UBE2V1: variants seen among roughly 807,000 people sequenced by gnomAD.
UBE2V1 encodes the protein ubiquitin conjugating enzyme E2 V1.
A neutral mutation model predicts 19.6 loss-of-function variants in UBE2V1; 15 were observed. The ratio of observed to expected loss-of-function variants is 0.77; its 90% CI spans 0.51 to 1.18. UBE2V1 has a LOEUF of 1.18. Ranked by LOEUF, UBE2V1 falls within the 50% of genes most tolerant of loss-of-function variation. The pLI is 0.00. For synonymous variants in UBE2V1, 60 were observed against 60.7 expected, an observed-to-expected ratio of 0.99 and a Z score of 0.05; for missense variants, 125 against 184.8, an observed-to-expected ratio of 0.68 and a Z score of 1.88.
chr20:50,092,244 C>A (rs2079281750), intron 2 of UBE2V1, among the ~76,000 whole-genome samples: 1 of 152,134 alleles, frequency 6.6e-6, no homozygotes. Context: ...ATCGCTTGAA[C>A]CCGGGAGACA....
chr20:50,085,440 CAT>C (rs1458645327), intron 2 of UBE2V1, among the ~76,000 whole-genome samples: 6 of 152,106 alleles, frequency 3.9e-5, no homozygotes, highest in African/African-American at 9.7e-5. Context: ...ACTGCTATCA[CAT>C]GTGTCTGAAG....
intron 1 of UBE2V1, among the ~76,000 whole-genome samples, chr20:50,106,573 G>C (rs1339697872): frequency 6.6e-6 from 1 of 152,184 alleles, no homozygotes; most frequent in Non-Finnish European, 1.5e-5. Context: ...GCTCACACCT[G>C]TAATCCCAAC....
chr20:50,109,743 G>A (rs1441051974), intron 1 of UBE2V1, among the ~76,000 whole-genome samples: 3 of 62,698 alleles, frequency 4.8e-5, no homozygotes, highest in Non-Finnish European at 8.5e-5. Flanking sequence ...GCGAAACTCC[G>A]TCTCAAAAAA....
At chr20:50,084,598 G>A (rs1302942715) in intron 2 of UBE2V1, 1 of 466,248 alleles carries the variant, frequency 2.1e-6, no homozygotes, top group Non-Finnish European at 4.3e-6. Context: ...CTAGGAAGCC[G>A]AGTTAAATGT....
upstream of UBE2V1, among the ~76,000 whole-genome samples, chr20:50,113,817 A>C (rs78298321): frequency 0.38 from 34,148 of 89,302 alleles, 4,018 homozygotes; most frequent in African/African-American, 0.54. Flanking sequence ...ATTCAACCAA[A>C]CAAACAAACA....
intron 1 of UBE2V1, among the ~76,000 whole-genome samples, chr20:50,111,739 G>A (rs1010663530): frequency 6.6e-6 from 1 of 152,190 alleles, no homozygotes; most frequent in African/African-American, 2.4e-5. Context: ...TGAGACCGCA[G>A]AGTAGCAACA....
intron 2 of UBE2V1, among the ~76,000 whole-genome samples, chr20:50,091,556 A>G (rs1405166669): frequency 6.6e-6 from 1 of 151,006 alleles, no homozygotes; most frequent in Non-Finnish European, 1.5e-5. Flanking sequence ...GCGCCCAGCT[A>G]ATTTTTATAC....
intron 1 of UBE2V1, among the ~76,000 whole-genome samples, chr20:50,112,062 C>T (rs1210198802): frequency 2.6e-5 from 4 of 152,160 alleles, no homozygotes; most frequent in Non-Finnish European, 5.9e-5. Flanking sequence ...TGAGCTGAAC[C>T]CACATATCTG....
At chr20:50,089,186 G>A (rs2079087488) in intron 2 of UBE2V1, among the ~76,000 whole-genome samples, 1 of 152,190 alleles carries the variant, frequency 6.6e-6, no homozygotes, top group Admixed American at 6.5e-5. Flanking sequence ...AAACTCTTAA[G>A]GGAGGGGGGG....
rs1487990461 is a variant in UBE2V1, at chr20:50,081,383, G to C, written c.*1385C>G. On this transcript the variant is annotated 3_prime_UTR_variant, in exon 4 of 4. Transcript: ENST00000371674. ...AAAAACCTTTAGTACACAATGAATT[G>C]CTTTTATTTCGGTATGCATCCACAT... 2.0e-5 allele frequency: 3 copies of C among 151,316 alleles called. 1 individual carries two copies. The highest frequency in any genetic ancestry group is 1.3e-4 in the Admixed American group (2 of 15,110). 9.4% of individuals were successfully genotyped at this position (151,316 alleles called of 1,614,324 possible).
intron 1 of UBE2V1, among the ~76,000 whole-genome samples, chr20:50,105,442 A>T (rs1388231966): frequency 6.6e-6 from 1 of 152,252 alleles, no homozygotes; most frequent in Non-Finnish European, 1.5e-5. Flanking sequence ...ATTTTAGTGA[A>T]TATATTAAAA....
intron 2 of UBE2V1, among the ~76,000 whole-genome samples, chr20:50,088,366 T>C (rs1206811535): frequency 6.6e-6 from 1 of 152,250 alleles, no homozygotes; most frequent in Non-Finnish European, 1.5e-5. Context: ...GTTGGTTTAT[T>C]GGTTGTGACA....
chr20:50,106,781 G>T (rs1471049482), intron 1 of UBE2V1, among the ~76,000 whole-genome samples: 1 of 151,280 alleles, frequency 6.6e-6, no homozygotes, highest in Admixed American at 6.6e-5. Context: ...GTTGCGGTGA[G>T]CCAAGATAGC....
chr20:50,091,644 T>C (rs2301018), intron 2 of UBE2V1, among the ~76,000 whole-genome samples: 51,080 of 151,516 alleles, frequency 0.34, 9,510 homozygotes, highest in African/African-American at 0.52. Context: ...CTGCCCGCCT[T>C]GGCCTCCCAA....
chr20:50,084,318 T>C, intron 2 of UBE2V1, 64 bp from the exon 3 acceptor site: 1 of 1,608,512 alleles, frequency 6.2e-7, no homozygotes, highest in Non-Finnish European at 8.5e-7. Context: ...AGGTAGAGCT[T>C]GTGAAACCCC....
chr20:50,094,513 C>T (rs2079508689), intron 2 of UBE2V1, among the ~76,000 whole-genome samples: 1 of 151,386 alleles, frequency 6.6e-6, no homozygotes, highest in Non-Finnish European at 1.5e-5. Context: ...CAAAATATGG[C>T]GTATCTGTAC....
At chr20:50,112,202 C>A (rs1188666942) in intron 1 of UBE2V1, among the ~76,000 whole-genome samples, 2 of 152,196 alleles carry the variant, frequency 1.3e-5, no homozygotes, top group Non-Finnish European at 2.9e-5. Context: ...CGGAACCCGA[C>A]CTTTTCCACT....
intron 2 of UBE2V1, among the ~76,000 whole-genome samples, chr20:50,094,005 AAAAAAAAT>A (rs1400696011): frequency 7.8e-6 from 1 of 128,808 alleles, no homozygotes; most frequent in Non-Finnish European, 1.6e-5. Context: ...AAAAAAAAAA[AAAAAAAAT>A]AATAATAATA....
intron 1 of UBE2V1, among the ~76,000 whole-genome samples, chr20:50,100,091 C>T (rs2079888050): frequency 6.6e-6 from 1 of 151,936 alleles, no homozygotes; most frequent in African/African-American, 2.4e-5. Flanking sequence ...GAGTGAGACC[C>T]TGTCTCAAAA....
Sources: allele counts gnomAD v4.1 joint callset (sites outside exome capture counted in the v4.1 genomes callset), GRCh38; gene constraint gnomAD v4.1.1; transcripts MANE v1.5; gene names NCBI Gene and HGNC (gene_info 2026-07-23, HGNC 2026-07-21).